Variants in CHD9 observed in about 807,000 individuals in gnomAD.
CHD9 encodes chromodomain helicase DNA binding protein 9.
In CHD9, 77 loss-of-function variants were observed where a neutral mutation model predicts 316.1. The observed-to-expected ratio is 0.24, with a 90% confidence interval of 0.20 to 0.29. CHD9 has a LOEUF of 0.29. Among genes scored for constraint, CHD9 ranks in the 10% least tolerant of loss-of-function variants. The pLI is 1.00. For synonymous variants in CHD9, 1,129 were observed against 1,158.3 expected, an observed-to-expected ratio of 0.97 and a Z score of 0.51; for missense variants, 2,763 against 3,438.1, an observed-to-expected ratio of 0.80 and a Z score of 4.91.
chr16:53,323,750 A>G (rs1227104604), intron 38 of CHD9, among the ~76,000 whole-genome samples: 1 of 152,164 alleles, frequency 6.6e-6, no homozygotes, highest in East Asian at 1.9e-4. Context: ...ATTTTCTAGA[A>G]TTATACTACA....
At chr16:53,251,942 G>A (rs1272378545) in intron 17 of CHD9, among the ~76,000 whole-genome samples, 2 of 151,990 alleles carry the variant, frequency 1.3e-5, no homozygotes, top group Middle Eastern at 3.2e-3. Flanking sequence ...TTCATGGATG[G>A]GAAGACTTAA....
intron 19 of CHD9, among the ~76,000 whole-genome samples, chr16:53,256,142 A>G (rs1310065558): frequency 6.6e-6 from 1 of 152,118 alleles, no homozygotes; most frequent in Non-Finnish European, 1.5e-5. Flanking sequence ...AACCTAAAGG[A>G]GAGAGAAAAT....
At chr16:53,320,277 T>C (rs1267549209) in intron 37 of CHD9, among the ~76,000 whole-genome samples, 2 of 151,826 alleles carry the variant, frequency 1.3e-5, no homozygotes, top group Non-Finnish European at 2.9e-5. Flanking sequence ...TGACAACACT[T>C]TGGGAGGCCA....
chr16:53,143,683 G>A (rs1333002079), intron 1 of CHD9, among the ~76,000 whole-genome samples: 10 of 151,944 alleles, frequency 6.6e-5, no homozygotes, highest in East Asian at 1.9e-4. Context: ...TACCACGCCC[G>A]GCCTCATAAT....
intron 19 of CHD9, among the ~76,000 whole-genome samples, chr16:53,261,287 G>T (rs1460496074): frequency 6.7e-6 from 1 of 149,844 alleles, no homozygotes; most frequent in Non-Finnish European, 1.5e-5. Context: ...TTATTACCTG[G>T]TAAGCAATAA....
chr16:53,090,272 C>T (rs1471793557), intron 1 of CHD9, among the ~76,000 whole-genome samples: 1 of 152,172 alleles, frequency 6.6e-6, no homozygotes, highest in Non-Finnish European at 1.5e-5. Flanking sequence ...AGTGTGAGAA[C>T]AAAATGAGCT....
chr16:53,270,117 C>G (rs544813570), intron 22 of CHD9, among the ~76,000 whole-genome samples: 1 of 151,696 alleles, frequency 6.6e-6, no homozygotes, highest in East Asian at 1.9e-4. Flanking sequence ...TGATCCTCCT[C>G]CCCTATAGCT....
At chr16:53,216,587 C>T (rs997097057) in intron 3 of CHD9, among the ~76,000 whole-genome samples, 2 of 152,144 alleles carry the variant, frequency 1.3e-5, no homozygotes, top group Non-Finnish European at 2.9e-5. Flanking sequence ...GGGACCAATA[C>T]CTACCTGCCT....
chr16:53,089,981 C>T (rs961732582), intron 1 of CHD9, among the ~76,000 whole-genome samples: 4 of 152,330 alleles, frequency 2.6e-5, no homozygotes, highest in Non-Finnish European at 2.9e-5. Context: ...GGTTGCAGGG[C>T]TGGTTCCTGG....
chr16:53,118,777 T>TAA (rs2038508997), intron 1 of CHD9, among the ~76,000 whole-genome samples: 1 of 146,944 alleles, frequency 6.8e-6, no homozygotes, highest in African/African-American at 2.5e-5. Context: ...AACATCTCAA[T>TAA]AAAAAAGATA....
chr16:53,255,028 T>C (rs188811525), intron 18 of CHD9, among the ~76,000 whole-genome samples: 1 of 152,120 alleles, frequency 6.6e-6, no homozygotes, highest in Non-Finnish European at 1.5e-5. Context: ...ATCCTAGTAC[T>C]GGGCTGGGCA....
rs201533423 is a variant in CHD9 at position 53,245,195 on chromosome 16, TAC to T, written c.3055-127_3055-126del. ...AAACAAACAAACAAATATATATATATACACACACACACACATAACATATATAT... is the reference window on the plus strand; with the variant it reads ...AAACAAACAAACAAATATATATATATACACACACACACATAACATATATAT... On this transcript the variant is annotated intron_variant, in intron 13 of 38. Coordinates refer to ENST00000447540, the MANE Select transcript of CHD9 (RefSeq NM_001308319.2). The surrounding 1 kb of genome is among the most constrained non-coding windows in gnomAD (Gnocchi z 4.1). 1,046 of 492,102 alleles carry T rather than the reference TAC, an allele frequency of 2.1e-3. No homozygotes were observed. The highest frequency in any genetic ancestry group is 3.1e-3 in the South Asian group (50 of 16,260). The allele number at this position is 492,102 out of a possible 1,614,324, so 30.5% of individuals were successfully genotyped here.
At chr16:53,076,563 G>A (rs2034545113) in intron 1 of CHD9, among the ~76,000 whole-genome samples, 1 of 151,302 alleles carries the variant, frequency 6.6e-6, no homozygotes, top group African/African-American at 2.4e-5. Context: ...TGACAAGAGT[G>A]AAACTCCATG....
intron 2 of CHD9, among the ~76,000 whole-genome samples, chr16:53,174,650 C>T (rs1049202784): frequency 1.3e-5 from 2 of 151,888 alleles, no homozygotes; most frequent in Non-Finnish European, 2.9e-5. Context: ...ACTCTGTCAC[C>T]CAGGCTGGAG....
In CHD9 at chr16:53,229,050, A is replaced by G. The variant is rs1245739382; in HGVS notation, c.2236A>G (p.Ile746Val). 1 of 1,599,378 alleles carries G rather than the reference A, an allele frequency of 6.3e-7. No homozygotes were observed. Among genetic ancestry groups the G allele is most frequent in the African/African-American group, 1.3e-5 (1 of 74,844 alleles). ...GAAAGATAAAAGGATCCAGCAGAAA[A>G]TCAAACGATTCAAATTGAGACAAGC... ...LLKDKRIQQKIKRFKLRQAQR... is the reference protein window; with the variant it reads ...LLKDKRIQQKVKRFKLRQAQR... Residue 746 changes from isoleucine (I) to valine (V), a missense_variant, in exon 8 of 39, where the codon ATC (isoleucine) becomes GTC (valine). Transcript: ENST00000447540.
chr16:53,165,763 G>A lies in CHD9; in HGVS notation c.1452+8222G>A, dbSNP rs546136559. ...CTGTTTTTTTTCCTAAGGTACTTTA[G>A]TTATAGCATACTATTTTAAAAAATG... On this transcript the variant is annotated intron_variant, in intron 2 of 38. Coordinates refer to ENST00000447540, the MANE Select transcript of CHD9 (RefSeq NM_001308319.2). Among the ~76,000 whole-genome samples the A allele has an allele frequency of 6.6e-5, 10 of 151,808 alleles. No individual in the cohort carries two copies. The South Asian group carries it at 2.1e-3, about 32-fold the overall frequency.
chr16:53,285,515 C>T, intron 24 of CHD9, 81 bp from the exon 25 acceptor site: 1 of 673,738 alleles, frequency 1.5e-6, no homozygotes, highest in Non-Finnish European at 2.5e-6. Context: ...AGCCACAGTG[C>T]TTTAAAAGCT....
Position 53,235,192 on chromosome 16 carries a change from C to T in CHD9, c.2519C>T (p.Pro840Leu). The T allele has an allele frequency of 6.4e-7, 1 of 1,556,868 alleles. No homozygotes were observed. Residue 840 changes from proline (P) to leucine (L), a missense_variant, in exon 11 of 39, where the codon CCT (proline) becomes CTT (leucine). Pro to Leu is a moderately conservative substitution (Grantham distance 98). Around this residue, in one of 15 missense-constraint regions of CHD9, gnomAD observed 186 missense variants for 245.0 expected, o/e 0.76. Transcript: ENST00000447540. ...CTTTGTTTTTCCACAAAGGACCGTC[C>T]TCCTTCTAATATTTGGAAGAAAATA... The part of the protein sequence containing the change: ...SRPDTRRLDR[P>L]PSNIWKKIDQ...
At chr16:53,255,022 T>C (rs991075007) in intron 18 of CHD9, among the ~76,000 whole-genome samples, 6 of 152,100 alleles carry the variant, frequency 3.9e-5, no homozygotes, top group Admixed American at 3.3e-4. Flanking sequence ...AATAGGATCC[T>C]AGTACTGGGC....
Sources: allele counts gnomAD v4.1 joint callset (sites outside exome capture counted in the v4.1 genomes callset), GRCh38; gene constraint gnomAD v4.1.1; regional missense constraint gnomAD v4.1.1; non-coding constraint Gnocchi (gnomAD v3.1); transcripts MANE v1.5; gene names NCBI Gene and HGNC (gene_info 2026-07-23, HGNC 2026-07-21).